The following ODC1 variants were observed in gnomAD, a reference collection of about 807,000 sequenced individuals.
The protein encoded by ODC1 is ornithine decarboxylase.
In ODC1, 18 loss-of-function variants were observed where a neutral mutation model predicts 41.5. The ratio of observed to expected loss-of-function variants is 0.43; its 90% CI spans 0.30 to 0.64. The LOEUF (loss-of-function observed/expected upper bound fraction) is 0.64, where lower values mean the gene tolerates loss of function less well. Among genes scored for constraint, ODC1 ranks in the 30% least tolerant of loss-of-function variants. The probability of loss-of-function intolerance (pLI) is 0.11; values close to 1 mark genes in which losing one functional copy is unlikely to be tolerated. For synonymous variants in ODC1, 218 were observed against 211.6 expected (o/e 1.03, Z -0.26); for missense variants, 504 against 589.0 (o/e 0.86, Z 1.49).
intron 1 of ODC1, chr2:10,446,659 AAATT>A: frequency 3.1e-6 from 1 of 323,026 alleles, no homozygotes; most frequent in Non-Finnish European, 5.9e-6. Context: ...AGCTTTCTTA[AAATT>A]ATTTATTTTA....
At chr2:10,443,977 G>A in intron 5 of ODC1, 118 bp downstream of exon 5, 2 of 1,451,122 alleles carry the variant, frequency 1.4e-6, no homozygotes, top group Non-Finnish European at 1.9e-6. Context: ...CTCAATGGGG[G>A]TTTCAACTAC....
rs539542319 is a variant in ODC1 at position 10,440,567 on chromosome 2, G to A, written c.*157C>T. The A allele has an allele frequency of 5.8e-5, 37 of 633,862 alleles. No homozygotes were observed. The East Asian group carries it at 8.9e-4, about 15-fold the overall frequency. 39.3% of individuals were successfully genotyped at this position (633,862 alleles called of 1,614,324 possible). ...TTCAAATAGTTTCCATAGGAACACA[G>A]ATAAGTGTGACCCATATCCTAGTCT... On this transcript the variant is annotated 3_prime_UTR_variant, in exon 12 of 12. Transcript: ENST00000234111.
Position 10,443,516 on chromosome 2 carries a change from C to A in ODC1, c.640G>T (p.Asp214Tyr). The change falls in exon 7 of 12, where the codon GAT (aspartate) becomes TAT (tyrosine). Residue 214 changes from aspartate (D) to tyrosine (Y), a missense_variant. By Grantham distance (160) the Asp-to-Tyr change is radical. Coordinates refer to ENST00000234111, the MANE Select transcript of ODC1 (RefSeq NM_002539.3). ...DPETFVQAIS[D>Y]ARCVFDMGAE... ...CCCATGTCAAAAACACAGCGGGCAT[C>A]AGAGATTGCCTGCACGAAGGTCTCA... The A allele has an allele frequency of 6.2e-7, 1 of 1,614,074 alleles. No individual in the cohort carries two copies. The highest frequency in any genetic ancestry group is 8.5e-7 in the Non-Finnish European group (1 of 1,179,978).
Position 10,441,726 on chromosome 2 carries a change from A to T in ODC1, c.1027-3T>A. The T allele has an allele frequency of 6.2e-7, 1 of 1,612,868 alleles. No homozygotes were observed. The highest frequency in any genetic ancestry group is 8.5e-7 in the Non-Finnish European group (1 of 1,178,812). On this transcript the variant is annotated splice_region_variant and splice_polypyrimidine_tract_variant and intron_variant, in intron 10 of 11. Transcript: ENST00000234111. ...TACTTCTCATCTGGTTTAGGTCTCTATATAAAGAGACGGAGAGAGGAAGTA... is the reference window on the plus strand; with the variant it reads ...TACTTCTCATCTGGTTTAGGTCTCTTTATAAAGAGACGGAGAGAGGAAGTA...
At position 10,448,262 on chromosome 2, in the gene ODC1, G is replaced by T. The variant is rs1231670278; in HGVS notation, c.-269C>A. On this transcript the variant is annotated 5_prime_UTR_variant, in exon 1 of 12. Transcript: ENST00000234111. The stretch of plus-strand genomic sequence containing the variant: ...CGCCCGCCGGAGACGCCGGCCCGAG[G>T]TGGCGCCGGAGCTGCTGGCAGAGGG... The T allele has an allele frequency of 8.8e-6, 2 of 227,850 alleles. No homozygotes were observed. The highest frequency in any genetic ancestry group is 1.7e-5 in the Non-Finnish European group (2 of 117,726). The allele number at this position is 227,850 out of a possible 1,614,324, so 14.1% of individuals were successfully genotyped here.
chr2:10,447,667 C>T (rs1046850262), intron 1 of ODC1: 4 of 152,310 alleles, frequency 2.6e-5, no homozygotes, highest in African/African-American at 9.6e-5. Context: ...GCTCTGTAGA[C>T]ACAGCGAAAA....
intron 1 of ODC1, among the ~76,000 whole-genome samples, chr2:10,446,132 A>AAT (rs1672004257): frequency 7.4e-6 from 1 of 134,590 alleles, no homozygotes; most frequent in African/African-American, 2.7e-5. Context: ...AGAATTCAGT[A>AAT]TTTTTTTTTT....
chr2:10,441,773 G>T, intron 10 of ODC1, 44 bp downstream of exon 10: 1 of 1,611,458 alleles, frequency 6.2e-7, no homozygotes, highest in South Asian at 1.1e-5. Context: ...CACGTGTTGT[G>T]ACCAGTCCTC....
At chr2:10,446,606 G>C (rs1672022452) in intron 1 of ODC1, 1 of 216,196 alleles carries the variant, frequency 4.6e-6, no homozygotes, top group Non-Finnish European at 9.4e-6. Context: ...AACAATAAAA[G>C]CCACTGTATT....
chr2:10,441,512 G>C lies in ODC1; in HGVS notation c.1238C>G (p.Ala413Gly). 1 of 1,613,362 alleles carries C rather than the reference G, an allele frequency of 6.2e-7. No homozygotes were observed. The highest frequency in any genetic ancestry group is 8.5e-7 in the Non-Finnish European group (1 of 1,179,660). The stretch of plus-strand genomic sequence containing the variant: ...TCAACATGCATGGCTTACTTACCAC[G>C]CAGGCCCTGACATCACATAGTAGAT... ...PTIYYVMSGP[A>G]WQLMQQFQNP... The change falls in exon 11 of 12, where the codon GCG (alanine) becomes GGG (glycine). Residue 413 changes from alanine to glycine, a missense_variant. Ala to Gly is a moderately conservative substitution (Grantham distance 60). Transcript: ENST00000234111.
rs1036170683 is a variant in ODC1 at position 10,444,971 on chromosome 2, T to C, written c.62A>G (p.Lys21Arg). Residue 21 changes from lysine to arginine, a missense_variant, in exon 3 of 12, where the codon AAG becomes AGG. Lys to Arg is a conservative substitution (Grantham distance 26, BLOSUM62 2). Around this residue, in one of 3 missense-constraint regions of ODC1, gnomAD observed 53 missense variants for 46.3 expected, o/e 1.14. Transcript: ENST00000234111. ...CHFLDEGFTAKDILDQKINEV... is the reference protein window; with the variant it reads ...CHFLDEGFTARDILDQKINEV... ...ATTAATTTTCTGGTCCAGAATGTCC[T>C]TGGCAGTAAAACCTTCATCGAGGAA... is the stretch of plus-strand genomic sequence containing the variant. 1.2e-6 allele frequency: 2 copies of C among 1,613,958 alleles called. No homozygotes were observed. Among genetic ancestry groups the C allele is most frequent in the Non-Finnish European group, 1.7e-6 (2 of 1,179,812 alleles).
intron 8 of ODC1, 140 bp from the exon 9 acceptor site, chr2:10,442,314 A>T (rs1188969965): frequency 1.2e-6 from 1 of 855,630 alleles, no homozygotes; most frequent in African/African-American, 1.7e-5. Context: ...TAACAAAAGC[A>T]AAAAAACATC....
rs1157277893 is a variant in ODC1 at position 10,444,181 on chromosome 2, C to T, written c.363G>A (p.Lys121=). The change falls in exon 5 of 12, where the codon AAG becomes AAA. Residue 121 remains lysine (K), a synonymous_variant. Transcript: ENST00000234111. ...TCTGGACTCCATTATTAGCAGCATA[C>T]TTAATTTGAGATACTTGTTTACAAG... The part of the protein sequence containing the change: ...ANPCKQVSQI[K]YAANNGVQMM... 6.2e-7 allele frequency: 1 copy of T among 1,613,264 alleles called. No individual in the cohort carries two copies. The highest frequency in any genetic ancestry group is 1.1e-5 in the South Asian group (1 of 90,756).
In ODC1 at chr2:10,444,321, A is replaced by G. The variant is rs957749924; in HGVS notation, c.277-54T>C. 2.0e-6 allele frequency: 3 copies of G among 1,528,566 alleles called. No individual in the cohort carries two copies. In the Admixed American group the frequency reaches 6.5e-5, roughly 33 times the overall value. 94.7% of individuals were successfully genotyped at this position (1,528,566 alleles called of 1,614,324 possible). A position where few individuals can be genotyped will look rare whatever the true frequency, so the allele number is the denominator to read the frequency against. Reference sequence around the variant, plus strand: ...CCATATGTGGCTTAACACGTGGAATAAACAGAAAAGCATGGGAAGTTGTCA... The same window carrying G: ...CCATATGTGGCTTAACACGTGGAATGAACAGAAAAGCATGGGAAGTTGTCA... On this transcript the variant is annotated intron_variant, in intron 4 of 11. Coordinates refer to ENST00000234111, the MANE Select transcript of ODC1 (RefSeq NM_002539.3).
rs757339527 is a variant in ODC1, at chr2:10,443,475, G to C, written c.666+15C>G. On this transcript the variant is annotated intron_variant, in intron 7 of 11. Transcript: ENST00000234111. Reference sequence around the variant, plus strand: ...TTGTGTCCCGCCCTTCCCTAACAGGGTCACGTATACTCACCCCCATGTCAA... The same window carrying C: ...TTGTGTCCCGCCCTTCCCTAACAGGCTCACGTATACTCACCCCCATGTCAA... 1.9e-6 allele frequency: 3 copies of C among 1,611,644 alleles called. No homozygotes were observed. The highest frequency in any genetic ancestry group is 2.5e-6 in the Non-Finnish European group (3 of 1,178,034).
intron 1 of ODC1, 25 bp from the exon 2 acceptor site, chr2:10,445,289 C>G: frequency 2.5e-6 from 1 of 401,958 alleles, no homozygotes; most frequent in Non-Finnish European, 4.6e-6. Flanking sequence ...AGGGAATTTG[C>G]TGTCTACCTT....
intron 1 of ODC1, chr2:10,446,662 T>C: frequency 3.0e-6 from 1 of 328,066 alleles, no homozygotes; most frequent in Non-Finnish European, 5.8e-6. Context: ...TTTCTTAAAA[T>C]TATTTATTTT....
Position 10,448,291 on chromosome 2 carries a change from G to A in ODC1, c.-298C>T. The A allele has an allele frequency of 4.0e-6, 1 of 247,054 alleles. No homozygotes were observed. Among genetic ancestry groups the A allele is most frequent in the Admixed American group, 5.6e-5 (1 of 17,808 alleles). The allele number at this position is 247,054 out of a possible 1,614,324, so 15.3% of individuals were successfully genotyped here. ...CGCCGGAGCTGCTGGCAGAGGGGCG[G>A]CGGGCGGCGGCGGCGGCGGCTACAG... On this transcript the variant is annotated 5_prime_UTR_variant, in exon 1 of 12. Coordinates refer to ENST00000234111, the MANE Select transcript of ODC1 (RefSeq NM_002539.3).
rs760624553 is a variant in ODC1, at chr2:10,441,856, T to C, written c.987A>G (p.Ile329Met). Residue 329 changes from isoleucine to methionine, a missense_variant, in exon 10 of 12, where the codon ATA (isoleucine) becomes ATG (methionine). By Grantham distance (10) the Ile-to-Met change is conservative. Around this residue, in one of 3 missense-constraint regions of ODC1, gnomAD observed 447 missense variants for 524.4 expected, o/e 0.85. Transcript: ENST00000234111. Reference sequence around the variant, plus strand: ...GCTTTACATGTGCGTGGTCATAGAGTATGCAATTAAATGATCCATAGACGC... The same window carrying C: ...GCTTTACATGTGCGTGGTCATAGAGCATGCAATTAAATGATCCATAGACGC... ...NDGVYGSFNC[I>M]LYDHAHVKPL... 3 of 1,614,086 alleles carry C rather than the reference T, an allele frequency of 1.9e-6. No individual in the cohort carries two copies. The highest frequency in any genetic ancestry group is 2.5e-6 in the Non-Finnish European group (3 of 1,180,012).
Sources: gnomAD v4.1 joint callset for allele counts (sites outside exome capture counted in the v4.1 genomes callset) on GRCh38, gnomAD v4.1.1 for gene constraint, gnomAD v4.1.1 regional missense constraint, MANE v1.5 for transcripts, NCBI Gene and HGNC (gene_info 2026-07-23, HGNC 2026-07-21) for gene names.